The following TUBGCP4 variants were observed in gnomAD, a reference collection of about 807,000 sequenced individuals.
The protein encoded by TUBGCP4 is gamma-tubulin complex component 4.
In TUBGCP4, 54 loss-of-function variants were observed where a neutral mutation model predicts 91.6. The observed-to-expected ratio is 0.59, with a 90% CI of 0.47 to 0.74. The LOEUF (loss-of-function observed/expected upper bound fraction) is 0.74, where lower values mean the gene tolerates loss of function less well. Among genes scored for constraint, TUBGCP4 ranks in the 30% least tolerant of loss-of-function variants. TUBGCP4 has a pLI of 0.00. For missense variants in TUBGCP4, 593 were observed against 800.9 expected, an observed-to-expected ratio of 0.74 and a Z score of 3.13; for synonymous variants, 297 against 302.8, an observed-to-expected ratio of 0.98 and a Z score of 0.20.
At chr15:43,382,231 A>G (rs567926756) in intron 6 of TUBGCP4, among the ~76,000 whole-genome samples, 2 of 124,832 alleles carry the variant, frequency 1.6e-5, no homozygotes, top group East Asian at 2.8e-4. Context: ...AGAAAAAAGA[A>G]AAAAAGAAAA....
chr15:43,407,130 G>T lies in TUBGCP4; in HGVS notation c.*1916G>T. On this transcript the variant is annotated 3_prime_UTR_variant, in exon 18 of 18. Coordinates refer to ENST00000564079, the MANE Select transcript of TUBGCP4 (RefSeq NM_014444.5). ...CCAGCTGTCCTCCGTAAGTGAATAA[G>T]CCTGTTGAAAGACTCAGAGAAAGTA... is the stretch of plus-strand genomic sequence containing the variant. 1 of 421,726 alleles carries T rather than the reference G, an allele frequency of 2.4e-6. No individual in the cohort carries two copies. Among genetic ancestry groups the T allele is most frequent in the Non-Finnish European group, 4.3e-6 (1 of 231,906 alleles). The allele number at this position is 421,726 out of a possible 1,614,324, so 26.1% of individuals were successfully genotyped here. A position where few individuals can be genotyped will look rare whatever the true frequency, so the allele number is the denominator to read the frequency against.
chr15:43,393,044 T>C (rs1326220838), intron 9 of TUBGCP4, among the ~76,000 whole-genome samples: 12 of 152,152 alleles, frequency 7.9e-5, no homozygotes, highest in Non-Finnish European at 1.0e-4. Flanking sequence ...ATGCACTCTT[T>C]TGGAGGAGGA....
chr15:43,400,285 G>A (rs2044651626), intron 14 of TUBGCP4, 64 bp downstream of exon 14: 1 of 1,412,250 alleles, frequency 7.1e-7, no homozygotes, highest in Non-Finnish European at 9.9e-7. Flanking sequence ...TTGGCAGGGA[G>A]TATTGAATAG....
chr15:43,385,932 C>A lies in TUBGCP4; in HGVS notation c.865C>A (p.Gln289Lys). 6.2e-7 allele frequency: 1 copy of A among 1,614,012 alleles called. No homozygotes were observed. The highest frequency in any genetic ancestry group is 1.1e-5 in the South Asian group (1 of 91,044). The change falls in exon 8 of 18, where the codon CAA becomes AAA. Residue 289 changes from glutamine to lysine, a missense_variant. Physicochemically the swap from Gln to Lys is moderately conservative, Grantham distance 53. Coordinates refer to ENST00000564079, the MANE Select transcript of TUBGCP4 (RefSeq NM_014444.5). The stretch of plus-strand genomic sequence containing the variant: ...AGAATCTGTCCAGATGTTTGAGAAT[C>A]AAAATGTGAACCTGACTAGAAAAGG... ...VGESVQMFENQNVNLTRKGSI... is the reference protein window; with the variant it reads ...VGESVQMFENKNVNLTRKGSI...
Position 43,403,693 on chromosome 15 carries a change from G to A in TUBGCP4, c.1742G>A (p.Cys581Tyr). The A allele has an allele frequency of 6.2e-7, 1 of 1,611,984 alleles. No individual in the cohort carries two copies. The highest frequency in any genetic ancestry group is 8.5e-7 in the Non-Finnish European group (1 of 1,179,452). Reference sequence around the variant, plus strand: ...CTGTTTCCCGGGTAGGTGTTTCACTGCCTGAATGAAATCCTAGATCTCTGT... The same window carrying A: ...CTGTTTCCCGGGTAGGTGTTTCACTACCTGAATGAAATCCTAGATCTCTGT... ...SFILLKPVFH[C>Y]LNEILDLCHS... The change falls in exon 16 of 18, where the codon TGC (cysteine) becomes TAC (tyrosine). Residue 581 changes from cysteine to tyrosine, a missense_variant. By Grantham distance (194) the Cys-to-Tyr change is radical (BLOSUM62 -2). Coordinates refer to ENST00000564079, the MANE Select transcript of TUBGCP4 (RefSeq NM_014444.5).
intron 5 of TUBGCP4, 97 bp from the exon 6 acceptor site, chr15:43,379,987 C>G: frequency 8.4e-7 from 1 of 1,185,948 alleles, no homozygotes; most frequent in Non-Finnish European, 1.3e-6. Context: ...CCCAGTCTCT[C>G]CTAGATTGTG....
intron 15 of TUBGCP4, 182 bp downstream of exon 15, chr15:43,402,032 G>A: frequency 3.0e-6 from 2 of 670,706 alleles, no homozygotes; most frequent in South Asian, 2.1e-5. Flanking sequence ...CAGCACTTTG[G>A]GAGGCCGAGG....
intron 9 of TUBGCP4, 47 bp downstream of exon 9, chr15:43,386,377 ATTTTTTTTTT>A (rs748820688): frequency 1.6e-4 from 3 of 19,102 alleles, no homozygotes; most frequent in Non-Finnish European, 2.4e-4. Context: ...ATATATATAT[ATTTTTTTTTT>A]TTTTTTTTTT....
At position 43,404,437 on chromosome 15, in the gene TUBGCP4, C is replaced by CTG. The variant is rs2044788740; in HGVS notation, c.1875_1876dup (p.Phe626CysfsTer24). The CTG allele has an allele frequency of 1.9e-6, 3 of 1,614,056 alleles. No individual in the cohort carries two copies. The highest frequency in any genetic ancestry group is 2.5e-6 in the Non-Finnish European group (3 of 1,180,034). On this transcript the variant is annotated frameshift_variant, in exon 17 of 18. Coordinates refer to ENST00000564079, the MANE Select transcript of TUBGCP4 (RefSeq NM_014444.5). LOFTEE classifies it high-confidence loss of function. ...GGGCTTTAGCCGCCAGTCTTCACTCCTGTTCAAGATTCTCTCCAGTGTTCG... is the reference window on the plus strand; with the variant it reads ...GGGCTTTAGCCGCCAGTCTTCACTCCTGTGTTCAAGATTCTCTCCAGTGTTCG...
At chr15:43,383,534 T>A (rs1473981593) in intron 7 of TUBGCP4, 30 bp downstream of exon 7, 1 of 1,544,392 alleles carries the variant, frequency 6.5e-7, no homozygotes. Flanking sequence ...CCTAGCACTC[T>A]CCTGCCAGGA....
At chr15:43,376,424 A>G in intron 2 of TUBGCP4, 79 bp from the exon 3 acceptor site, 1 of 1,613,554 alleles carries the variant, frequency 6.2e-7, no homozygotes, top group Non-Finnish European at 8.5e-7. Context: ...ATAACTTTTA[A>G]AAGAAACAAG....
In TUBGCP4 at chr15:43,386,149, C is replaced by T. The variant is rs1470621107; in HGVS notation, c.890-57C>T. On this transcript the variant is annotated intron_variant, in intron 8 of 17. Coordinates refer to ENST00000564079, the MANE Select transcript of TUBGCP4 (RefSeq NM_014444.5). ...ACTGAGATTAGCCCTCCCCAGAAAA[C>T]CCTAACTGTCCTGGGTATTCTCCGT... The T allele has an allele frequency of 1.9e-6, 3 of 1,557,470 alleles. No individual in the cohort carries two copies. The African/African-American group carries it at 4.1e-5, about 21-fold the overall frequency.
chr15:43,383,794 A>T (rs1417814122), intron 7 of TUBGCP4, among the ~76,000 whole-genome samples: 1 of 151,450 alleles, frequency 6.6e-6, no homozygotes, highest in Non-Finnish European at 1.5e-5. Context: ...TTTTAAATAC[A>T]GTTTGGAGTT....
In TUBGCP4 at chr15:43,393,562, C is replaced by T. The variant is rs552846820; in HGVS notation, c.1015-1545C>T. Among the ~76,000 whole-genome samples the T allele has an allele frequency of 5.9e-5, 9 of 152,124 alleles. No homozygotes were observed. In the East Asian group the frequency reaches 1.7e-3, roughly 29 times the overall value. On this transcript the variant is annotated intron_variant, in intron 9 of 17. Coordinates refer to ENST00000564079, the MANE Select transcript of TUBGCP4 (RefSeq NM_014444.5). Reference sequence around the variant, plus strand: ...CTGCACCCATTAACTCGTTATTTAGCATTAGGTATATCTCCTAATGCTATC... The same window carrying T: ...CTGCACCCATTAACTCGTTATTTAGTATTAGGTATATCTCCTAATGCTATC...
At chr15:43,385,251 C>T in intron 7 of TUBGCP4, 3 of 414,946 alleles carry the variant, frequency 7.2e-6, no homozygotes. Flanking sequence ...CCTTGGGTGG[C>T]TTCAGGAGGT....
rs570088211 is a variant in TUBGCP4, at chr15:43,393,411, A to G, written c.1015-1696A>G. Among the ~76,000 whole-genome samples the G allele has an allele frequency of 2.0e-5, 3 of 151,476 alleles. No individual in the cohort carries two copies. The East Asian group carries it at 5.8e-4, about 29-fold the overall frequency. On this transcript the variant is annotated intron_variant, in intron 9 of 17. Coordinates refer to ENST00000564079, the MANE Select transcript of TUBGCP4 (RefSeq NM_014444.5). The stretch of plus-strand genomic sequence containing the variant: ...TTTTTAGTAGAGATGGGGTTTCACC[A>G]TGTTGGCCAGGATGGTTTCGATCTC...
rs76747993 is a variant in TUBGCP4 at position 43,390,568 on chromosome 15, G to C, written c.1014+4238G>C. Among the ~76,000 whole-genome samples, 1,294 of 134,310 alleles carry C rather than the reference G, an allele frequency of 9.6e-3. 17 individuals carry two copies. Among genetic ancestry groups the C allele is most frequent in the African/African-American group, 0.037 (1,247 of 34,064 alleles). 88.1% of individuals were successfully genotyped at this position (134,310 alleles called of 152,430 possible). On this transcript the variant is annotated intron_variant, in intron 9 of 17. Coordinates refer to ENST00000564079, the MANE Select transcript of TUBGCP4 (RefSeq NM_014444.5). ...ACTGTGGCCCAGGCTGGAGTGTATTGATGCAATCTTAGCTCACTGCAGCCT... is the reference window on the plus strand; with the variant it reads ...ACTGTGGCCCAGGCTGGAGTGTATTCATGCAATCTTAGCTCACTGCAGCCT...
At chr15:43,404,835 A>G in intron 17 of TUBGCP4, 1 of 478,946 alleles carries the variant, frequency 2.1e-6, no homozygotes, top group Non-Finnish European at 3.7e-6. Flanking sequence ...TTCCACTCCC[A>G]ATTCTGATAT....
At chr15:43,400,020 A>T in intron 13 of TUBGCP4, 24 bp from the exon 14 acceptor site, 2 of 1,586,856 alleles carry the variant, frequency 1.3e-6, no homozygotes, top group South Asian at 2.2e-5. Context: ...TTTTGTCTTG[A>T]ATATCCTGTT....
Sources: allele counts gnomAD v4.1 joint callset (sites outside exome capture counted in the v4.1 genomes callset), GRCh38; gene constraint gnomAD v4.1.1; transcripts MANE v1.5; gene names NCBI Gene and HGNC (gene_info 2026-07-23, HGNC 2026-07-21).